Variants in MYO1E observed in about 807,000 individuals in gnomAD.
MYO1E encodes myosin IE.
Under a neutral mutation model 151.1 loss-of-function variants are expected in MYO1E, and 68 were observed. The ratio of observed to expected loss-of-function variants is 0.45; its 90% CI spans 0.37 to 0.55. The LOEUF is 0.55. Among genes scored for constraint, MYO1E ranks in the 20% least tolerant of loss-of-function variants. The pLI, the probability that MYO1E is intolerant of heterozygous loss-of-function variation, is 0.00. For missense variants in MYO1E, 1,363 were observed against 1,389.3 expected (o/e 0.98, Z 0.30); for synonymous variants, 601 against 501.7 (o/e 1.20, Z -2.64).
chr15:59,312,504 C>T (rs942539465), intron 1 of MYO1E, among the ~76,000 whole-genome samples: 5 of 152,136 alleles, frequency 3.3e-5, no homozygotes, highest in South Asian at 2.1e-4. Context: ...GTTTAGAGCA[C>T]CATTCTTTGT....
chr15:59,293,643 C>A (rs2080432595), intron 1 of MYO1E, among the ~76,000 whole-genome samples: 1 of 152,142 alleles, frequency 6.6e-6, no homozygotes, highest in Non-Finnish European at 1.5e-5. Context: ...AAGCCCCTAA[C>A]ATATGTACAG....
intron 9 of MYO1E, among the ~76,000 whole-genome samples, chr15:59,218,896 T>C (rs911418567): frequency 1.3e-5 from 2 of 152,006 alleles, no homozygotes; most frequent in Non-Finnish European, 1.5e-5. Flanking sequence ...CGGTCTACAG[T>C]GTGTGGACTA....
At chr15:59,258,954 GT>G (rs201872129) in intron 3 of MYO1E, among the ~76,000 whole-genome samples, 1 of 148,644 alleles carries the variant, frequency 6.7e-6, no homozygotes, top group Non-Finnish European at 1.5e-5. Flanking sequence ...CCCCTCTCTT[GT>G]TTTTTTTTGT....
chr15:59,274,956 C>T (rs1045007440), intron 1 of MYO1E, among the ~76,000 whole-genome samples: 1 of 152,200 alleles, frequency 6.6e-6, no homozygotes, highest in Non-Finnish European at 1.5e-5. Context: ...AACAAGGTGA[C>T]AGTGGTTACA....
intron 9 of MYO1E, among the ~76,000 whole-genome samples, chr15:59,219,250 C>A (rs759249898): frequency 1.3e-5 from 2 of 152,118 alleles, no homozygotes; most frequent in Non-Finnish European, 1.5e-5. Flanking sequence ...CTGGGCAGAA[C>A]GTTCTCATAT....
intron 26 of MYO1E, among the ~76,000 whole-genome samples, chr15:59,145,709 C>G (rs1566963597): frequency 6.6e-6 from 1 of 152,170 alleles, no homozygotes; most frequent in African/African-American, 2.4e-5. Flanking sequence ...TTTCCTCTAT[C>G]TATGCATTTG....
At chr15:59,145,639 G>C (rs1035511580) in intron 26 of MYO1E, among the ~76,000 whole-genome samples, 1 of 151,936 alleles carries the variant, frequency 6.6e-6, no homozygotes, top group Non-Finnish European at 1.5e-5. Flanking sequence ...TGATCCACCC[G>C]CCTTGGCCTC....
chr15:59,212,901 G>A (rs1038559758), intron 12 of MYO1E: 3 of 152,164 alleles, frequency 2.0e-5, no homozygotes, highest in African/African-American at 7.2e-5. Flanking sequence ...CATAAGCCAA[G>A]AAATGCCAGG....
At chr15:59,317,966 T>C (rs1366648104) in intron 1 of MYO1E, among the ~76,000 whole-genome samples, 2 of 152,186 alleles carry the variant, frequency 1.3e-5, no homozygotes, top group African/African-American at 2.4e-5. Flanking sequence ...TCAAGGTAGC[T>C]AGTAAGTCAT....
intron 1 of MYO1E, among the ~76,000 whole-genome samples, chr15:59,297,705 G>A (rs2080459067): frequency 6.6e-6 from 1 of 151,558 alleles, no homozygotes; most frequent in African/African-American, 2.4e-5. Context: ...CCTCAGCCCT[G>A]GAGTAGCTGG....
intron 25 of MYO1E, among the ~76,000 whole-genome samples, chr15:59,156,111 T>G (rs1347293239): frequency 6.6e-6 from 1 of 152,178 alleles, no homozygotes; most frequent in South Asian, 2.1e-4. Context: ...AGCCTCCCAC[T>G]TCAGCCTCCT....
chr15:59,244,601 C>A (rs2080118863), intron 4 of MYO1E, among the ~76,000 whole-genome samples: 1 of 152,134 alleles, frequency 6.6e-6, no homozygotes, highest in Non-Finnish European at 1.5e-5. Context: ...AACCAGTTAA[C>A]CTAACACCTG....
intron 10 of MYO1E, among the ~76,000 whole-genome samples, chr15:59,216,666 G>GTGTGTGTGTGTGTGTGTGTT: frequency 3.2e-5 from 1 of 30,892 alleles, no homozygotes; most frequent in Non-Finnish European, 7.0e-5. Flanking sequence ...GTGTGTATGT[G>GTGTGTGTGTGTGTGTGTGTT]TATATATATA....
At chr15:59,161,291 G>T (rs2079536974) in intron 23 of MYO1E, 61 bp from the exon 24 acceptor site, 2 of 1,561,942 alleles carry the variant, frequency 1.3e-6, no homozygotes, top group African/African-American at 2.7e-5. Context: ...GGTGCTCAGA[G>T]ATCCCGCCAC....
chr15:59,202,393 G>C lies in MYO1E; in HGVS notation c.1631C>G (p.Ser544Cys), dbSNP rs773198300. ...AGCCTGCAGATTTTCCGGAAATAAAGACTTTATGAAAGGCCTGGAAAAGGA... is the reference window on the plus strand; with the variant it reads ...AGCCTGCAGATTTTCCGGAAATAAACACTTTATGAAAGGCCTGGAAAAGGA... ...MQSSELPFIK[S>C]LFPENLQADK... Residue 544 changes from serine to cysteine, a missense_variant, in exon 16 of 28, where the codon TCT (serine) becomes TGT (cysteine). Transcript: ENST00000288235. 5 of 1,613,862 alleles carry C rather than the reference G, an allele frequency of 3.1e-6. No homozygotes were observed. The highest frequency in any genetic ancestry group is 4.2e-6 in the Non-Finnish European group (5 of 1,179,882).
intron 9 of MYO1E, among the ~76,000 whole-genome samples, chr15:59,222,022 G>A (rs2079959284): frequency 6.6e-6 from 1 of 152,060 alleles, no homozygotes; most frequent in Non-Finnish European, 1.5e-5. Context: ...TGATTATTAG[G>A]TCATGTTTTT....
chr15:59,213,181 ATTAT>A (rs1190981595), intron 12 of MYO1E, among the ~76,000 whole-genome samples: 2 of 134,920 alleles, frequency 1.5e-5, no homozygotes, highest in Non-Finnish European at 3.3e-5. Flanking sequence ...TATTATTATT[ATTAT>A]TTTGAGACGA....
intron 19 of MYO1E, among the ~76,000 whole-genome samples, chr15:59,175,599 G>C (rs191206439): frequency 6.6e-6 from 1 of 152,328 alleles, no homozygotes; most frequent in East Asian, 1.9e-4. Context: ...TAAACCCCAA[G>C]TGGAATGCAC....
At position 59,316,762 on chromosome 15, in the gene MYO1E, G is replaced by A. The variant is rs373502113; in HGVS notation, c.4-44313C>T. 5.9e-5 allele frequency among the ~76,000 whole-genome samples: 9 copies of A among 152,288 alleles called. No individual in the cohort carries two copies. The South Asian group carries it at 1.0e-3, about 18-fold the overall frequency. Reference sequence around the variant, plus strand: ...GATTTATGTGAGGTCTACAGGATCCGTTAGCAAGTCTTTCAAAATATTTCT... The same window carrying A: ...GATTTATGTGAGGTCTACAGGATCCATTAGCAAGTCTTTCAAAATATTTCT... On this transcript the variant is annotated intron_variant, in intron 1 of 27. Transcript: ENST00000288235.
Sources: gnomAD v4.1 joint callset for allele counts (sites outside exome capture counted in the v4.1 genomes callset) on GRCh38, gnomAD v4.1.1 for gene constraint, MANE v1.5 for transcripts, NCBI Gene and HGNC (gene_info 2026-07-23, HGNC 2026-07-21) for gene names.